The following PLA2G4B variants were observed in gnomAD, a reference collection of about 807,000 sequenced individuals.
PLA2G4B encodes the protein cytosolic phospholipase A2 beta.
PLA2G4B carries 122 observed loss-of-function variants against 95.8 expected under a neutral mutation model. That is an observed-to-expected ratio of 1.27 (90% confidence interval 1.10 to 1.48). The LOEUF (loss-of-function observed/expected upper bound fraction) is 1.48, where lower values mean the gene tolerates loss of function less well. PLA2G4B is among the 40% of genes most tolerant of loss of function. The probability of loss-of-function intolerance (pLI) is 0.00; values close to 1 mark genes in which losing one functional copy is unlikely to be tolerated. For synonymous variants in PLA2G4B, 518 were observed against 421.5 expected, an observed-to-expected ratio of 1.23 and a Z score of -2.80; for missense variants, 1,158 against 996.2, an observed-to-expected ratio of 1.16 and a Z score of -2.19.
Position 41,846,734 on chromosome 15 carries a change from G to A in PLA2G4B, c.1846G>A (p.Val616Ile), listed in dbSNP as rs756064399. ...PSEPHLCLLD[V>I]GYLINTSCLP... ...GGAGCCCCACCTGTGCCTGCTGGAT[G>A]TTGGCTACCTCATCAATACCAGCTG... Residue 616 changes from valine to isoleucine, a missense_variant, in exon 18 of 20, where the codon GTT becomes ATT. Physicochemically the swap from Val to Ile is conservative, Grantham distance 29 (BLOSUM62 3). Transcript: ENST00000458483. 6.2e-7 allele frequency: 1 copy of A among 1,613,994 alleles called. No homozygotes were observed. The highest frequency in any genetic ancestry group is 1.1e-5 in the South Asian group (1 of 91,064).
In PLA2G4B at chr15:41,840,893, A is replaced by C. The variant is rs377316890; in HGVS notation, c.339A>C (p.Ser113=). 5.6e-6 allele frequency: 9 copies of C among 1,612,992 alleles called. No individual in the cohort carries two copies. The highest frequency in any genetic ancestry group is 7.6e-6 in the Non-Finnish European group (9 of 1,179,316). The stretch of plus-strand genomic sequence containing the variant: ...GGGAGTTCCGGCGCGAGAGCTTCTC[A>C]CTGAGCCCTCAGGCAAGGCGGTGTT... ...RAGEFRRESF[S]LSPQGEGRLE... The change falls in exon 4 of 20, where the codon TCA becomes TCC. Residue 113 remains serine, a synonymous_variant. Transcript: ENST00000458483.
chr15:41,844,348 C>T, intron 11 of PLA2G4B, 123 bp from the exon 12 acceptor site: 6 of 1,501,984 alleles, frequency 4.0e-6, no homozygotes, highest in Non-Finnish European at 5.4e-6. Context: ...GAACTGGTCC[C>T]AAGACCTGTG....
intron 16 of PLA2G4B, 70 bp from the exon 17 acceptor site, chr15:41,846,133 C>A (rs114676793): frequency 1.9e-6 from 3 of 1,587,334 alleles, no homozygotes; most frequent in Non-Finnish European, 2.6e-6. Flanking sequence ...ACCTCTTCCC[C>A]CTCCAGGGTC....
In PLA2G4B at chr15:41,844,344, G is replaced by A. The variant is rs140901756; in HGVS notation, c.880-127G>A. The A allele has an allele frequency of 6.9e-4, 1,030 of 1,488,280 alleles. 9 individuals carry two copies. The African/African-American group carries it at 0.013, about 19-fold the overall frequency. The allele number at this position is 1,488,280 out of a possible 1,614,324, so 92.2% of individuals were successfully genotyped here. On this transcript the variant is annotated intron_variant, in intron 11 of 19. Coordinates refer to ENST00000458483, the MANE Select transcript of PLA2G4B (RefSeq NM_001114633.2). ...GGCCCCCAGGGCTGACTGAGAACTG[G>A]TCCCAAGACCTGTGATCAGGCCTTA...
intron 18 of PLA2G4B, 61 bp from the exon 19 acceptor site, chr15:41,847,275 GC>G: frequency 1.3e-6 from 2 of 1,530,422 alleles, no homozygotes; most frequent in Non-Finnish European, 8.8e-7. Context: ...TCTTACGTCA[GC>G]CCCAGTGTTG....
chr15:41,841,843 TG>T lies in PLA2G4B; in HGVS notation c.517del (p.Val173PhefsTer30). On this transcript the variant is annotated frameshift_variant, in exon 8 of 20. Coordinates refer to ENST00000458483, the MANE Select transcript of PLA2G4B (RefSeq NM_001114633.2). LOFTEE classifies it high-confidence loss of function. ...GCCTCAGAGCACAGAGTTCAGCTTG[TG>T]GTTCCTGGGTCCTGTGAGGGTCCGC... ...QKSSEHRVQLVVPGSCEGPQE... is the reference protein window; with the variant it reads ...QKSSEHRVQLXVPGSCEGPQE... The T allele has an allele frequency of 6.2e-7, 1 of 1,613,580 alleles. No individual in the cohort carries two copies. Among genetic ancestry groups the T allele is most frequent in the Non-Finnish European group, 8.5e-7 (1 of 1,179,870 alleles).
intron 17 of PLA2G4B, 123 bp from the exon 18 acceptor site, chr15:41,846,546 T>G: frequency 3.3e-6 from 5 of 1,505,662 alleles, no homozygotes; most frequent in Non-Finnish European, 3.6e-6. Flanking sequence ...AGGGCCCACC[T>G]GCAGGGCTGT....
chr15:41,842,383 G>C (rs886143199), intron 9 of PLA2G4B, 107 bp downstream of exon 9: 1 of 1,555,416 alleles, frequency 6.4e-7, no homozygotes, highest in Admixed American at 2.0e-5. Context: ...ACCCTGAGCA[G>C]GTGCTGGGGC....
In PLA2G4B at chr15:41,845,646, G is replaced by A. The variant is rs149906868; in HGVS notation, c.1366G>A (p.Glu456Lys). 1.7e-5 allele frequency: 28 copies of A among 1,614,022 alleles called. No homozygotes were observed. The African/African-American group carries it at 2.1e-4, about 12-fold the overall frequency. The change falls in exon 15 of 20, where the codon GAG becomes AAG. Residue 456 changes from glutamate (E) to lysine (K), a missense_variant. Glu to Lys is a moderately conservative substitution (Grantham distance 56, BLOSUM62 1). Transcript: ENST00000458483. ...LTTFEFGEWCEFSPYEVGFPK... is the reference protein window; with the variant it reads ...LTTFEFGEWCKFSPYEVGFPK... Reference sequence around the variant, plus strand: ...GCGTGGACTCCTCACAGAGTGGTGCGAGTTCTCTCCCTACGAGGTCGGCTT... The same window carrying A: ...GCGTGGACTCCTCACAGAGTGGTGCAAGTTCTCTCCCTACGAGGTCGGCTT...
chr15:41,841,409 A>G (rs2140889577), intron 6 of PLA2G4B, 108 bp from the exon 7 acceptor site: 12 of 1,607,654 alleles, frequency 7.5e-6, no homozygotes, highest in Non-Finnish European at 9.4e-6. Context: ...TACAATCTCA[A>G]GGGCCCAGGT....
At position 41,844,572 on chromosome 15, in the gene PLA2G4B, C is replaced by T. The variant is rs754262196; in HGVS notation, c.981C>T (p.Cys327=). 7 of 1,614,046 alleles carry T rather than the reference C, an allele frequency of 4.3e-6. No homozygotes were observed. In the African/African-American group the frequency reaches 5.3e-5, roughly 12 times the overall value. Residue 327 remains cysteine, a synonymous_variant, in exon 12 of 20, where the codon TGC becomes TGT. Coordinates refer to ENST00000458483, the MANE Select transcript of PLA2G4B (RefSeq NM_001114633.2). ...AGLKELGLLD[C]VSYITGASGS... is the part of the protein sequence containing the mutation. The stretch of plus-strand genomic sequence containing the variant: ...TGAAGGAGCTGGGCCTCTTGGATTG[C>T]GTCTCCTACATCACCGGGGCCTCGG...
In PLA2G4B at chr15:41,845,977, G is replaced by A. The variant is rs1411297877; in HGVS notation, c.1530G>A (p.Gln510=). 1 of 1,519,396 alleles carries A rather than the reference G, an allele frequency of 6.6e-7. No individual in the cohort carries two copies. The highest frequency in any genetic ancestry group is 8.8e-7 in the Non-Finnish European group (1 of 1,134,828). 94.1% of individuals were successfully genotyped at this position (1,519,396 alleles called of 1,614,324 possible). The change falls in exon 16 of 20, where the codon CAG becomes CAA. Residue 510 remains glutamine (Q), a synonymous_variant. Transcript: ENST00000458483. ...IWSNLYAANL[Q]DSLYWASEPS... is the part of the protein sequence containing the mutation. ...GCAACCTGTATGCAGCCAACCTCCAGGACAGCTTATACTGGGCCTCAGAGC... is the reference window on the plus strand; with the variant it reads ...GCAACCTGTATGCAGCCAACCTCCAAGACAGCTTATACTGGGCCTCAGAGC...
rs1006925291 is a variant in PLA2G4B at position 41,840,980 on chromosome 15, G to T, written c.351+75G>T. 3.2e-6 allele frequency: 5 copies of T among 1,580,868 alleles called. No individual in the cohort carries two copies. In the African/African-American group the frequency reaches 6.7e-5, roughly 21 times the overall value. On this transcript the variant is annotated intron_variant, in intron 4 of 19. Coordinates refer to ENST00000458483, the MANE Select transcript of PLA2G4B (RefSeq NM_001114633.2). ...TCCACGCGCACACATGCACACACACGCATGTCTCTCATACTCACTGACATA... is the reference window on the plus strand; with the variant it reads ...TCCACGCGCACACATGCACACACACTCATGTCTCTCATACTCACTGACATA...
At chr15:41,845,462 G>C in intron 14 of PLA2G4B, 142 bp downstream of exon 14, 1 of 1,449,738 alleles carries the variant, frequency 6.9e-7, no homozygotes, top group Middle Eastern at 2.5e-4. Context: ...ACCCTACCAG[G>C]GTCCCTCAGC....
chr15:41,845,181 G>A (rs2065515383), intron 13 of PLA2G4B, 22 bp from the exon 14 acceptor site: 3 of 1,613,882 alleles, frequency 1.9e-6, no homozygotes, highest in African/African-American at 2.7e-5. Context: ...TGTGGGTTTA[G>A]GTTCTACGCA....
chr15:41,846,224 T>A lies in PLA2G4B; in HGVS notation c.1622T>A (p.Leu541Gln), dbSNP rs138803580. The change falls in exon 17 of 20, where the codon CTG becomes CAG. Residue 541 changes from leucine to glutamine, a missense_variant. Transcript: ENST00000458483. The part of the protein sequence containing the change: ...ANLDKEQVPL[L>Q]KIEEPPSTAG... Reference sequence around the variant, plus strand: ...GTAGACAAGGAGCAGGTCCCCCTTCTGAAGATAGAAGAACCACCCTCAACA... The same window carrying A: ...GTAGACAAGGAGCAGGTCCCCCTTCAGAAGATAGAAGAACCACCCTCAACA... 6.2e-7 allele frequency: 1 copy of A among 1,614,014 alleles called. No homozygotes were observed. Among genetic ancestry groups the A allele is most frequent in the Admixed American group, 1.7e-5 (1 of 60,012 alleles).
rs765247366 is a variant in PLA2G4B, at chr15:41,847,381, G to A, written c.1992G>A (p.Pro664=). ...LGRFCQEQGI[P]FPPISPSPEE... is the part of the protein sequence containing the mutation. ...GGTTCTGCCAGGAGCAGGGGATCCC[G>A]TTCCCACCCATCTCGCCCAGCCCCG... Residue 664 remains proline (P), a synonymous_variant, in exon 19 of 20, where the codon CCG becomes CCA. Coordinates refer to ENST00000458483, the MANE Select transcript of PLA2G4B (RefSeq NM_001114633.2). 32 of 1,611,470 alleles carry A rather than the reference G, an allele frequency of 2.0e-5. No homozygotes were observed. Among genetic ancestry groups the A allele is most frequent in the Non-Finnish European group, 2.5e-5 (29 of 1,179,382 alleles).
At chr15:41,842,476 G>T in intron 9 of PLA2G4B, 78 bp from the exon 10 acceptor site, 4 of 1,577,126 alleles carry the variant, frequency 2.5e-6, no homozygotes, top group East Asian at 4.6e-5. Context: ...GGGGTGGTGC[G>T]CCGGGGATCA....
Position 41,848,123 on chromosome 15 carries a change from T to TAC in PLA2G4B, c.*265_*266dup. ...TACCTTGAGTAGTTGGAGCACTTGATACATCACAGACTCATACAAATGTGA... is the reference window on the plus strand; with the variant it reads ...TACCTTGAGTAGTTGGAGCACTTGATACACATCACAGACTCATACAAATGTGA... On this transcript the variant is annotated 3_prime_UTR_variant, in exon 20 of 20. Transcript: ENST00000458483. 1.7e-6 allele frequency: 1 copy of TAC among 577,104 alleles called. No homozygotes were observed. Among genetic ancestry groups the TAC allele is most frequent in the Admixed American group, 3.1e-5 (1 of 32,722 alleles). 35.7% of individuals were successfully genotyped at this position (577,104 alleles called of 1,614,324 possible). A position where few individuals can be genotyped will look rare whatever the true frequency, so the allele number is the denominator to read the frequency against.
Sources: gnomAD v4.1 joint callset for allele counts on GRCh38, gnomAD v4.1.1 for gene constraint, MANE v1.5 for transcripts, NCBI Gene and HGNC (gene_info 2026-07-23, HGNC 2026-07-21) for gene names.